CMTM8: variants seen among roughly 807,000 people sequenced by gnomAD.
CMTM8 encodes CKLF-like MARVEL transmembrane domain-containing protein 8.
A neutral mutation model predicts 18.6 loss-of-function variants in CMTM8; 12 were observed. The observed-to-expected ratio is 0.65, with a 90% CI of 0.41 to 1.05. The LOEUF (loss-of-function observed/expected upper bound fraction) is 1.05. Ranked by LOEUF, CMTM8 falls within the 50% of genes least tolerant of loss-of-function variation. The probability of loss-of-function intolerance (pLI) is 0.00; values close to 1 mark genes in which losing one functional copy is unlikely to be tolerated. For synonymous variants in CMTM8, 87 were observed against 90.6 expected, an observed-to-expected ratio of 0.96 and a Z score of 0.23; for missense variants, 217 against 227.2, an observed-to-expected ratio of 0.95 and a Z score of 0.29.
chr3:32,241,804 G>C (rs941091489), intron 1 of CMTM8, among the ~76,000 whole-genome samples: 1 of 152,220 alleles, frequency 6.6e-6, no homozygotes, highest in Non-Finnish European at 1.5e-5. Flanking sequence ...GACCCAGTGC[G>C]TAGACTATGA....
intron 1 of CMTM8, among the ~76,000 whole-genome samples, chr3:32,353,455 A>G (rs1239254856): frequency 2.0e-5 from 3 of 152,222 alleles, no homozygotes; most frequent in African/African-American, 7.2e-5. Context: ...AACATAAAGA[A>G]GACAACCTAA....
chr3:32,290,348 C>T (rs746265792), intron 1 of CMTM8, among the ~76,000 whole-genome samples: 1 of 152,130 alleles, frequency 6.6e-6, no homozygotes, highest in Non-Finnish European at 1.5e-5. Flanking sequence ...AGATAAAGAT[C>T]TAAATAAATG....
rs966891840 is a variant in CMTM8, at chr3:32,314,381, T to C, written c.148-42992T>C. Among the ~76,000 whole-genome samples the C allele has an allele frequency of 4.7e-4, 72 of 152,094 alleles. 1 individual carries two copies. Among genetic ancestry groups the C allele is most frequent in the African/African-American group, 1.5e-3 (62 of 41,494 alleles). On this transcript the variant is annotated intron_variant, in intron 1 of 3. Coordinates refer to ENST00000307526, the MANE Select transcript of CMTM8 (RefSeq NM_178868.5). ...TCTGCAGAAATTGAGGGAGGGTTGA[T>C]GCAAGTTCCTAGTTCAAGAGCAGCC...
intron 2 of CMTM8, among the ~76,000 whole-genome samples, chr3:32,359,059 C>T (rs765829080): frequency 6.6e-6 from 1 of 152,170 alleles, no homozygotes; most frequent in African/African-American, 2.4e-5. Context: ...AGTAGGGGAG[C>T]AAATTGTTGG....
intron 1 of CMTM8, among the ~76,000 whole-genome samples, chr3:32,280,846 C>CAAAAAAAAAAAAAA (rs60845487): frequency 1.0e-4 from 7 of 68,134 alleles, no homozygotes; most frequent in Non-Finnish European, 1.8e-4. Flanking sequence ...AGAAAATAGG[C>CAAAAAAAAAAAAAA]AAAAAAAAAA....
chr3:32,318,231 A>G (rs912318669), intron 1 of CMTM8, among the ~76,000 whole-genome samples: 4 of 151,400 alleles, frequency 2.6e-5, no homozygotes, highest in African/African-American at 9.8e-5. Context: ...GTAGGCAGGA[A>G]AAGCCATGGC....
intron 1 of CMTM8, among the ~76,000 whole-genome samples, chr3:32,298,446 T>TC (rs1695531784): frequency 3.3e-5 from 5 of 151,672 alleles, no homozygotes. Flanking sequence ...CCCTTTTTTT[T>TC]TTTTTTTTTT....
chr3:32,258,390 A>T lies in CMTM8; in HGVS notation c.147+19271A>T, dbSNP rs191151673. ...GGTCCTAGCTACAAAGAAGTTCAGT[A>T]GTTTTGTTATTCACTTATAGACATT... On this transcript the variant is annotated intron_variant, in intron 1 of 3. Transcript: ENST00000307526. 7.2e-5 allele frequency among the ~76,000 whole-genome samples: 11 copies of T among 152,320 alleles called. No individual in the cohort carries two copies. The East Asian group carries it at 1.7e-3, about 24-fold the overall frequency.
At chr3:32,293,501 T>C (rs571075042) in intron 1 of CMTM8, among the ~76,000 whole-genome samples, 12 of 152,246 alleles carry the variant, frequency 7.9e-5, no homozygotes, top group African/African-American at 2.4e-4. Flanking sequence ...TGAGCCAAGA[T>C]TGTGCCACTG....
chr3:32,327,824 G>A (rs1299013554), intron 1 of CMTM8, among the ~76,000 whole-genome samples: 1 of 152,194 alleles, frequency 6.6e-6, no homozygotes, highest in Non-Finnish European at 1.5e-5. Context: ...TTCGATTATA[G>A]TAATAGGTGA....
At chr3:32,331,650 A>G (rs966749106) in intron 1 of CMTM8, among the ~76,000 whole-genome samples, 7 of 152,230 alleles carry the variant, frequency 4.6e-5, no homozygotes, top group Admixed American at 3.9e-4. Context: ...GCACATCAAC[A>G]GATTAATGGG....
In CMTM8 at chr3:32,331,092, A is replaced by G. The variant is rs149807298; in HGVS notation, c.148-26281A>G. On this transcript the variant is annotated intron_variant, in intron 1 of 3. Coordinates refer to ENST00000307526, the MANE Select transcript of CMTM8 (RefSeq NM_178868.5). ...CTGATAAGAGGTTAATATCCAGAAT[A>G]TATAAAGAACTCCTACAACTCAACA... 3.5e-3 allele frequency among the ~76,000 whole-genome samples: 539 copies of G among 152,340 alleles called. 3 individuals carry two copies. In the Middle Eastern group the frequency reaches 0.041, roughly 12 times the overall value.
intron 1 of CMTM8, among the ~76,000 whole-genome samples, chr3:32,271,398 G>A (rs1020484963): frequency 2.0e-5 from 3 of 152,166 alleles, no homozygotes; most frequent in African/African-American, 4.8e-5. Context: ...GGGATTATAG[G>A]CATCAGCCAC....
chr3:32,282,182 T>C (rs939414870), intron 1 of CMTM8, among the ~76,000 whole-genome samples: 13 of 152,128 alleles, frequency 8.5e-5, no homozygotes, highest in African/African-American at 3.1e-4. Context: ...CAGAGAAACA[T>C]ATTAAAAGAA....
intron 1 of CMTM8, chr3:32,259,700 C>T: frequency 9.0e-7 from 1 of 1,116,486 alleles, no homozygotes; most frequent in South Asian, 1.2e-5. Flanking sequence ...CATCCAGGCC[C>T]AATATGACGA....
At chr3:32,240,576 G>A (rs1330769333) in intron 1 of CMTM8, among the ~76,000 whole-genome samples, 2 of 152,156 alleles carry the variant, frequency 1.3e-5, no homozygotes, top group Non-Finnish European at 2.9e-5. Flanking sequence ...GATATGCTCT[G>A]TGTACTGCGC....
At chr3:32,243,691 A>G (rs1341423340) in intron 1 of CMTM8, among the ~76,000 whole-genome samples, 1 of 152,172 alleles carries the variant, frequency 6.6e-6, no homozygotes, top group Non-Finnish European at 1.5e-5. Context: ...ACTGTGGTTG[A>G]ATGCATTTGA....
intron 3 of CMTM8, among the ~76,000 whole-genome samples, chr3:32,368,394 C>G (rs948265826): frequency 2.0e-5 from 3 of 150,888 alleles, no homozygotes; most frequent in African/African-American, 7.3e-5. Context: ...AAATATATAC[C>G]AGTAGAGGTT....
intron 1 of CMTM8, among the ~76,000 whole-genome samples, chr3:32,336,003 A>C (rs755310030): frequency 6.6e-6 from 1 of 152,226 alleles, no homozygotes; most frequent in Non-Finnish European, 1.5e-5. Flanking sequence ...CCTCCAGGGC[A>C]GCGACTCTCA....
Sources: gnomAD v4.1 joint callset for allele counts (sites outside exome capture counted in the v4.1 genomes callset) on GRCh38, gnomAD v4.1.1 for gene constraint, MANE v1.5 for transcripts, NCBI Gene and HGNC (gene_info 2026-07-23, HGNC 2026-07-21) for gene names.